NDUFS7: variants seen among roughly 807,000 people sequenced by gnomAD.
NDUFS7 encodes the protein NADH:ubiquinone oxidoreductase core subunit S7.
In NDUFS7, 11 loss-of-function variants were observed where a neutral mutation model predicts 31.1. That is an observed-to-expected ratio of 0.35 (90% CI 0.22 to 0.59). The LOEUF is 0.59. NDUFS7 is among the 20% of genes least tolerant of loss of function. The pLI, the probability that NDUFS7 is intolerant of heterozygous loss-of-function variation, is 0.79. For missense variants in NDUFS7, 263 were observed against 324.2 expected, an observed-to-expected ratio of 0.81 and a Z score of 1.45; for synonymous variants, 136 against 127.9, an observed-to-expected ratio of 1.06 and a Z score of -0.43.
intron 2 of NDUFS7, 81 bp downstream of exon 2, chr19:1,387,928 G>GGGGGGGGGGGGGGGGGT: frequency 2.4e-6 from 1 of 412,814 alleles, no homozygotes; most frequent in Non-Finnish European, 4.7e-6. Context: ...GGTGGGGGGT[G>GGGGGGGGGGGGGGGGGT]GGGGGAGCGC....
intron 1 of NDUFS7, chr19:1,387,271 C>T (rs1339386063): frequency 5.6e-6 from 1 of 178,658 alleles, no homozygotes; most frequent in African/African-American, 2.4e-5. Flanking sequence ...AGGACGAGCA[C>T]TGGGTGCCCA....
chr19:1,388,470 G>C (rs1030871219), intron 2 of NDUFS7, 55 bp from the exon 3 acceptor site: 2 of 1,512,416 alleles, frequency 1.3e-6, no homozygotes. Flanking sequence ...GAGTGCGGCT[G>C]GGGGAGCTGG....
At chr19:1,390,686 C>T in intron 4 of NDUFS7, 185 bp from the exon 5 acceptor site, 1 of 626,216 alleles carries the variant, frequency 1.6e-6, no homozygotes, top group Non-Finnish European at 2.8e-6. Flanking sequence ...TTGAATGTGG[C>T]TGGTGGGGCG....
intron 2 of NDUFS7, 79 bp downstream of exon 2, chr19:1,387,926 G>A (rs1368180833): frequency 2.4e-5 from 9 of 382,892 alleles, no homozygotes; most frequent in African/African-American, 1.0e-4. Context: ...GGGGTGGGGG[G>A]TGGGGGGAGC....
intron 6 of NDUFS7, chr19:1,392,982 G>T: frequency 3.5e-6 from 2 of 569,870 alleles, no homozygotes; most frequent in Non-Finnish European, 6.3e-6. Context: ...TCCCAGCCCC[G>T]GGAATCGGTG....
chr19:1,394,924 G>T (rs2082585473), intron 7 of NDUFS7: 3 of 1,119,134 alleles, frequency 2.7e-6, no homozygotes, highest in Non-Finnish European at 2.2e-6. Context: ...TCTGGCTTGG[G>T]GCTCAGAAAG....
intron 7 of NDUFS7, chr19:1,394,704 G>C (rs2082583893): frequency 8.4e-7 from 1 of 1,188,110 alleles, no homozygotes; most frequent in East Asian, 5.9e-5. Context: ...TGCGGACTGT[G>C]CTTCTCCCTC....
chr19:1,394,928 C>T (rs1322544358), intron 7 of NDUFS7: 13 of 1,117,690 alleles, frequency 1.2e-5, no homozygotes, highest in African/African-American at 1.6e-5. Flanking sequence ...GCTTGGGGCT[C>T]AGAAAGAGGG....
chr19:1,391,254 C>G, intron 6 of NDUFS7, 89 bp downstream of exon 6: 4 of 1,490,528 alleles, frequency 2.7e-6, no homozygotes, highest in South Asian at 2.4e-5. Context: ...AAAGTGTCAT[C>G]TACATTCAGT....
chr19:1,389,518 C>T (rs11666067), intron 4 of NDUFS7: 12 of 456,928 alleles, frequency 2.6e-5, no homozygotes, highest in African/African-American at 2.0e-4. Flanking sequence ...TGGAGATGAC[C>T]CCTCCGTTTC....
In NDUFS7 at chr19:1,390,967, G is replaced by A. The variant is rs1016096934; in HGVS notation, c.325G>A (p.Val109Ile). ...CTACGACATGGACCGCTTTGGCGTG[G>A]TCTTCCGCGCCAGCCCGCGCCAGTC... ...PRYDMDRFGV[V>I]FRASPRQSDV... The change falls in exon 5 of 8, where the codon GTC becomes ATC. Residue 109 changes from valine to isoleucine, a missense_variant. By Grantham distance (29) the Val-to-Ile change is conservative (BLOSUM62 3). Coordinates refer to ENST00000233627, the MANE Select transcript of NDUFS7 (RefSeq NM_024407.5). 2.5e-5 allele frequency: 40 copies of A among 1,612,172 alleles called. No individual in the cohort carries two copies. The highest frequency in any genetic ancestry group is 8.0e-5 in the African/African-American group (6 of 74,792).
chr19:1,389,564 G>A (rs889661183), intron 4 of NDUFS7: 1 of 454,298 alleles, frequency 2.2e-6, no homozygotes, highest in Non-Finnish European at 4.5e-6. Flanking sequence ...TGTTCCTCTT[G>A]TTTCTCTTTT....
At chr19:1,392,531 T>C (rs117524813) in intron 6 of NDUFS7, 5 of 153,142 alleles carry the variant, frequency 3.3e-5, no homozygotes, top group Non-Finnish European at 7.3e-5. Flanking sequence ...CCTGGACATT[T>C]CACAGAAACA....
At chr19:1,389,601 AAGG>A (rs1159059579) in intron 4 of NDUFS7, 1 of 440,492 alleles carries the variant, frequency 2.3e-6, no homozygotes, top group South Asian at 1.6e-5. Flanking sequence ...TTTAAGTTAA[AAGG>A]AGCGCGTGTG....
intron 4 of NDUFS7, 115 bp downstream of exon 4, chr19:1,389,053 ACACT>A (rs2082530926): frequency 2.2e-6 from 2 of 889,590 alleles, no homozygotes; most frequent in Non-Finnish European, 3.6e-6. Flanking sequence ...ACATGCATGC[ACACT>A]CACATGCGCA....
intron 1 of NDUFS7, chr19:1,384,257 T>C (rs2082493289): frequency 2.2e-6 from 1 of 449,788 alleles, no homozygotes; most frequent in East Asian, 4.1e-5. Flanking sequence ...CCCGCGAGGC[T>C]GCTCTTGAGA....
chr19:1,392,877 C>T (rs917682630), intron 6 of NDUFS7: 3 of 347,558 alleles, frequency 8.6e-6, no homozygotes, highest in African/African-American at 4.2e-5. Context: ...CGGAATCAGG[C>T]GAGGGTGAGG....
At chr19:1,389,844 C>T (rs2082542384) in intron 4 of NDUFS7, 4 of 306,774 alleles carry the variant, frequency 1.3e-5, no homozygotes, top group South Asian at 5.8e-5. Context: ...CTGCCAGGGC[C>T]GCAGTGGTCG....
intron 4 of NDUFS7, 77 bp downstream of exon 4, chr19:1,389,015 C>A: frequency 8.2e-7 from 1 of 1,216,494 alleles, no homozygotes; most frequent in Non-Finnish European, 1.2e-6. Context: ...CATACACACA[C>A]CAACGTGCAG....
Sources: gnomAD v4.1 joint callset for allele counts on GRCh38, gnomAD v4.1.1 for gene constraint, MANE v1.5 for transcripts, NCBI Gene and HGNC (gene_info 2026-07-23, HGNC 2026-07-21) for gene names.